SLFN13: variants seen among roughly 807,000 people sequenced by gnomAD.
SLFN13 encodes schlafen family member 13.
A neutral mutation model predicts 50.6 loss-of-function variants in SLFN13; 43 were observed. That is an observed-to-expected ratio of 0.85 (90% CI 0.67 to 1.09). SLFN13 has a LOEUF of 1.09. Among genes scored for constraint, SLFN13 ranks in the 50% least tolerant of loss-of-function variants. The probability of loss-of-function intolerance (pLI) is 0.00; values close to 1 mark genes in which losing one functional copy is unlikely to be tolerated. For missense variants in SLFN13, 881 were observed against 1,071.1 expected (o/e 0.82, Z 2.48); for synonymous variants, 339 against 386.5 (o/e 0.88, Z 1.44).
In SLFN13 at chr17:35,435,565, TGA is replaced by T. The variant is rs1378146116; in HGVS notation, c.*5028_*5029del. 2 of 152,174 alleles carry T rather than the reference TGA, an allele frequency of 1.3e-5. No homozygotes were observed. Among genetic ancestry groups the T allele is most frequent in the African/African-American group, 4.8e-5 (2 of 41,452 alleles). The allele number at this position is 152,174 out of a possible 1,614,324, so 9.4% of individuals were successfully genotyped here. ...TCTGGAAGTGCTGAGATTACAGGTG[TGA>T]GCCACCATGCTGGCTTGCTGTTTGT... is the stretch of plus-strand genomic sequence containing the variant. On this transcript the variant is annotated 3_prime_UTR_variant, in exon 6 of 6. Coordinates refer to ENST00000285013, the MANE Select transcript of SLFN13 (RefSeq NM_144682.6).
In SLFN13 at chr17:35,440,415, T is replaced by C; in HGVS notation, c.*180A>G. 4.3e-6 allele frequency: 3 copies of C among 703,204 alleles called. No individual in the cohort carries two copies. The highest frequency in any genetic ancestry group is 3.9e-5 in the South Asian group (2 of 51,206). 43.6% of individuals were successfully genotyped at this position (703,204 alleles called of 1,614,324 possible). ...GGGCAGCCACCACTGCTGAAAAGAGTTGGGGGAGGAACCCCTGAAAGGAGA... is the reference window on the plus strand; with the variant it reads ...GGGCAGCCACCACTGCTGAAAAGAGCTGGGGGAGGAACCCCTGAAAGGAGA... On this transcript the variant is annotated 3_prime_UTR_variant, in exon 6 of 6. Transcript: ENST00000285013.
At chr17:35,445,820 G>T in intron 2 of SLFN13, 127 bp from the exon 3 acceptor site, 1 of 804,190 alleles carries the variant, frequency 1.2e-6, no homozygotes, top group Non-Finnish European at 1.9e-6. Context: ...AAGAAAGACA[G>T]GTATAGTCTC....
Position 35,440,367 on chromosome 17 carries a change from C to T in SLFN13, c.*228G>A, listed in dbSNP as rs1174413197. 1.7e-6 allele frequency: 1 copy of T among 583,506 alleles called. No homozygotes were observed. The highest frequency in any genetic ancestry group is 2.8e-5 in the East Asian group (1 of 35,210). 36.1% of individuals were successfully genotyped at this position (583,506 alleles called of 1,614,324 possible). A position where few individuals can be genotyped will look rare whatever the true frequency, so the allele number is the denominator to read the frequency against. ...TAGAAAACCACCATCTTTCTGGCTG[C>T]AAGAGTCAGGGGTCAGAATGGGGGG... is the stretch of plus-strand genomic sequence containing the variant. On this transcript the variant is annotated 3_prime_UTR_variant, in exon 6 of 6. Coordinates refer to ENST00000285013, the MANE Select transcript of SLFN13 (RefSeq NM_144682.6).
intron 4 of SLFN13, 103 bp from the exon 5 acceptor site, chr17:35,442,389 T>C (rs951394997): frequency 1.5e-6 from 2 of 1,324,164 alleles, no homozygotes; most frequent in Admixed American, 2.6e-5. Context: ...CAAAGAATTG[T>C]ACAATTTAAC....
upstream of SLFN13, among the ~76,000 whole-genome samples, chr17:35,449,419 G>C (rs138170984): frequency 1.3e-5 from 2 of 151,850 alleles, no homozygotes; most frequent in Non-Finnish European, 2.9e-5. Context: ...CCAAGCTCTC[G>C]CCCGAGCTTT....
intron 3 of SLFN13, 183 bp from the exon 4 acceptor site, chr17:35,444,103 T>A: frequency 1.8e-6 from 1 of 546,176 alleles, no homozygotes; most frequent in Non-Finnish European, 3.1e-6. Flanking sequence ...AAGCCCTTTT[T>A]CTGATCCTTG....
At position 35,444,628 on chromosome 17, in the gene SLFN13, C is replaced by T; in HGVS notation, c.1053G>A (p.Met351Ile). The T allele has an allele frequency of 6.2e-7, 1 of 1,613,686 alleles. No individual in the cohort carries two copies. The highest frequency in any genetic ancestry group is 1.1e-5 in the South Asian group (1 of 91,050). The change falls in exon 3 of 6, where the codon ATG (methionine) becomes ATA (isoleucine). Residue 351 changes from methionine to isoleucine, a missense_variant. By Grantham distance (10) the Met-to-Ile change is conservative. Around this residue, in one of 5 missense-constraint regions of SLFN13, gnomAD observed 497 missense variants for 518.3 expected, o/e 0.96. Transcript: ENST00000285013. ...LTTEEWVEKM[M>I]DADPEFPPDF... The stretch of plus-strand genomic sequence containing the variant: ...GTTCCCTCTTACCTGGATCTGCGTC[C>T]ATCATTTTCTCTACCCATTCCTCAG...
At position 35,442,172 on chromosome 17, in the gene SLFN13, A is replaced by G. The variant is rs376556118; in HGVS notation, c.1313T>C (p.Ile438Thr). The change falls in exon 5 of 6, where the codon ATT becomes ACT. Residue 438 changes from isoleucine (I) to threonine (T), a missense_variant. Physicochemically the swap from Ile to Thr is moderately conservative, Grantham distance 89 (BLOSUM62 -1). Transcript: ENST00000285013. ...HKQMRPFSQG[I>T]VILSRSWAVD... Reference sequence around the variant, plus strand: ...AGCCCAGCTTCTAGAGAGGATCACAATTCCCTGGGAGAAAGGTCGCATTTG... The same window carrying G: ...AGCCCAGCTTCTAGAGAGGATCACAGTTCCCTGGGAGAAAGGTCGCATTTG... The G allele has an allele frequency of 8.7e-6, 14 of 1,614,078 alleles. No individual in the cohort carries two copies. The highest frequency in any genetic ancestry group is 1.1e-5 in the Non-Finnish European group (13 of 1,180,042).
intron 3 of SLFN13, among the ~76,000 whole-genome samples, chr17:35,444,234 C>T (rs566602399): frequency 1.3e-5 from 2 of 152,324 alleles, no homozygotes; most frequent in Admixed American, 1.3e-4. Flanking sequence ...TATCCCTGTG[C>T]ACGCACCTCC....
rs1423744415 is a variant in SLFN13 at position 35,439,031 on chromosome 17, C to T, written c.*1564G>A. 2.6e-5 allele frequency: 3 copies of T among 116,520 alleles called. No homozygotes were observed. Among genetic ancestry groups the T allele is most frequent in the South Asian group, 5.6e-4 (2 of 3,556 alleles). 7.2% of individuals were successfully genotyped at this position (116,520 alleles called of 1,614,324 possible). ...TTCTCACAGTCTGGGGGCTGGAAGT[C>T]GAAGACATAGGTGCCAGCAGGGTGG... On this transcript the variant is annotated 3_prime_UTR_variant, in exon 6 of 6. Transcript: ENST00000285013.
At position 35,445,379 on chromosome 17, in the gene SLFN13, T is replaced by C. The variant is rs777215529; in HGVS notation, c.302A>G (p.His101Arg). ...YLQAFFETKQHGRCFYIFVKS... is the reference protein window; with the variant it reads ...YLQAFFETKQRGRCFYIFVKS... Reference sequence around the variant, plus strand: ...AACAAAAATATAAAAACACCTTCCGTGTTGCTTAGTCTCAAAGAAAGCCTG... The same window carrying C: ...AACAAAAATATAAAAACACCTTCCGCGTTGCTTAGTCTCAAAGAAAGCCTG... Residue 101 changes from histidine (H) to arginine (R), a missense_variant, in exon 3 of 6, where the codon CAC (histidine) becomes CGC (arginine). His to Arg is a conservative substitution (Grantham distance 29). Coordinates refer to ENST00000285013, the MANE Select transcript of SLFN13 (RefSeq NM_144682.6). The C allele has an allele frequency of 2.5e-6, 4 of 1,614,006 alleles. No homozygotes were observed. In the Admixed American group the frequency reaches 5.0e-5, roughly 20 times the overall value.
In SLFN13 at chr17:35,441,582, G is replaced by T. The variant is rs56168731; in HGVS notation, c.1903C>A (p.Pro635Thr). The change falls in exon 5 of 6, where the codon CCT (proline) becomes ACT (threonine). Residue 635 changes from proline to threonine, a missense_variant. Coordinates refer to ENST00000285013, the MANE Select transcript of SLFN13 (RefSeq NM_144682.6). ...HRILYVCENQPLRNFISDRNI... is the reference protein window; with the variant it reads ...HRILYVCENQTLRNFISDRNI... ...GCTTACCTGATAAAGTTCCTCAGAG[G>T]CTGGTTTTCACAAACGTAGAGAATT... is the stretch of plus-strand genomic sequence containing the variant. 0.01 allele frequency: 16,429 copies of T among 1,606,350 alleles called. 158 individuals are homozygous for T. The highest frequency in any genetic ancestry group is 0.012 in the Non-Finnish European group (14,640 of 1,178,280).
rs1912854701 is a variant in SLFN13, at chr17:35,441,119, T to A, written c.2170A>T (p.Arg724Ter). The A allele has an allele frequency of 2.5e-6, 4 of 1,613,944 alleles. No homozygotes were observed. The highest frequency in any genetic ancestry group is 3.4e-6 in the Non-Finnish European group (4 of 1,180,010). Residue 724 changes from arginine to a stop codon, truncating the protein, a stop_gained, in exon 6 of 6, where the codon AGA becomes TGA. Coordinates refer to ENST00000285013, the MANE Select transcript of SLFN13 (RefSeq NM_144682.6). LOFTEE classifies it low-confidence loss of function (END_TRUNC). ...GLPPLSAQYP[R>*]EELTRVVRNA... ...CGAACTACTCTGGTGAGCTCTTCTC[T>A]TGGATACTGTGCTGAGAGAGGGGGA... is the stretch of plus-strand genomic sequence containing the variant.
chr17:35,441,832 C>T lies in SLFN13; in HGVS notation c.1653G>A (p.Leu551=), dbSNP rs1912916037. 1.3e-6 allele frequency: 2 copies of T among 1,523,938 alleles called. No homozygotes were observed. The highest frequency in any genetic ancestry group is 2.4e-5 in the East Asian group (1 of 41,708). 94.4% of individuals were successfully genotyped at this position (1,523,938 alleles called of 1,614,324 possible). A position where few individuals can be genotyped will look rare whatever the true frequency, so the allele number is the denominator to read the frequency against. Residue 551 remains leucine (L), a synonymous_variant, in exon 5 of 6, where the codon CTG becomes CTA. Transcript: ENST00000285013. ...LAGTQHMEAL[L]QSLVIVLLGF... is the part of the protein sequence containing the mutation. ...CGAGTAAGACAATCACGAGGGACTGCAGCAGGGCTTCCATGTGCTGGGTGC... is the reference window on the plus strand; with the variant it reads ...CGAGTAAGACAATCACGAGGGACTGTAGCAGGGCTTCCATGTGCTGGGTGC...
chr17:35,441,371 A>G lies in SLFN13; in HGVS notation c.1923-5T>C, dbSNP rs1912879847. On this transcript the variant is annotated splice_polypyrimidine_tract_variant and splice_region_variant and intron_variant, in intron 5 of 5. Transcript: ENST00000285013. ...GCTCGGCAGATATTTCTATCACTGT[A>G]AAAATTAAAAGAATACACTCAGGTT... is the stretch of plus-strand genomic sequence containing the variant. The G allele has an allele frequency of 1.9e-6, 3 of 1,588,886 alleles. No individual in the cohort carries two copies. The highest frequency in any genetic ancestry group is 2.6e-6 in the Non-Finnish European group (3 of 1,171,576).
At position 35,443,869 on chromosome 17, in the gene SLFN13, T is replaced by C; in HGVS notation, c.1118A>G (p.Asp373Gly). The change falls in exon 4 of 6, where the codon GAC becomes GGC. Residue 373 changes from aspartate to glycine, a missense_variant. By Grantham distance (94) the Asp-to-Gly change is moderately conservative. Coordinates refer to ENST00000285013, the MANE Select transcript of SLFN13 (RefSeq NM_144682.6). ...CACTGGTCTGCAAAGTGAAGGACTG[T>C]CAGATAGACTCAACTGAGACTCAAA... ...EAFESQLSLS[D>G]SPSLCRPVYS... The C allele has an allele frequency of 6.2e-7, 1 of 1,613,892 alleles. No individual in the cohort carries two copies. Among genetic ancestry groups the C allele is most frequent in the South Asian group, 1.1e-5 (1 of 91,072 alleles).
In SLFN13 at chr17:35,436,322, C is replaced by T. The variant is rs1349262027; in HGVS notation, c.*4273G>A. 1 of 152,110 alleles carries T rather than the reference C, an allele frequency of 6.6e-6. No homozygotes were observed. Among genetic ancestry groups the T allele is most frequent in the Non-Finnish European group, 1.5e-5 (1 of 68,016 alleles). The allele number at this position is 152,110 out of a possible 1,614,324, so 9.4% of individuals were successfully genotyped here. On this transcript the variant is annotated 3_prime_UTR_variant, in exon 6 of 6. Transcript: ENST00000285013. ...CTTTTTTAATTCCAAAAGATATGAACATTTTTCTAGTTACCGTTTTATTAC... is the reference window on the plus strand; with the variant it reads ...CTTTTTTAATTCCAAAAGATATGAATATTTTTCTAGTTACCGTTTTATTAC...
intron 1 of SLFN13, among the ~76,000 whole-genome samples, chr17:35,447,629 C>G (rs1017755247): frequency 2.6e-5 from 4 of 152,190 alleles, no homozygotes; most frequent in African/African-American, 9.7e-5. Context: ...CCAAGCCCCC[C>G]ACCCCACTGA....
Position 35,439,592 on chromosome 17 carries a change from T to G in SLFN13, c.*1003A>C, listed in dbSNP as rs867961041. Reference sequence around the variant, plus strand: ...TCCAGGATTCAAGTGATTCTCATGCTTCAGCCTCCCAAGTAGCTGGGATAC... The same window carrying G: ...TCCAGGATTCAAGTGATTCTCATGCGTCAGCCTCCCAAGTAGCTGGGATAC... On this transcript the variant is annotated 3_prime_UTR_variant, in exon 6 of 6. Coordinates refer to ENST00000285013, the MANE Select transcript of SLFN13 (RefSeq NM_144682.6). 2.6e-5 allele frequency: 4 copies of G among 152,122 alleles called. No individual in the cohort carries two copies. The highest frequency in any genetic ancestry group is 5.9e-5 in the Non-Finnish European group (4 of 68,054). 9.4% of individuals were successfully genotyped at this position (152,122 alleles called of 1,614,324 possible). A position where few individuals can be genotyped will look rare whatever the true frequency, so the allele number is the denominator to read the frequency against.
Sources: allele counts gnomAD v4.1 joint callset (sites outside exome capture counted in the v4.1 genomes callset), GRCh38; gene constraint gnomAD v4.1.1; regional missense constraint gnomAD v4.1.1; transcripts MANE v1.5; gene names NCBI Gene and HGNC (gene_info 2026-07-23, HGNC 2026-07-21).